RSPH10B2: variants seen among roughly 807,000 people sequenced by gnomAD.
RSPH10B2 encodes the protein radial spoke head 10 homolog B2 (Chlamydomonas).
Under a neutral mutation model 49.0 loss-of-function variants are expected in RSPH10B2, and 9 were observed. The ratio of observed to expected loss-of-function variants is 0.18; its 90% CI spans 0.11 to 0.32. The LOEUF is 0.32. Among genes scored for constraint, RSPH10B2 ranks in the 10% least tolerant of loss-of-function variants. RSPH10B2 has a pLI of 1.00. For synonymous variants in RSPH10B2, 35 were observed against 210.2 expected, an observed-to-expected ratio of 0.17 and a Z score of 7.21; for missense variants, 95 against 589.9, an observed-to-expected ratio of 0.16 and a Z score of 8.69.
chr7:6,795,772 TAAAAC>T (rs1782528376), intron 17 of RSPH10B2, among the ~76,000 whole-genome samples: 2 of 146,338 alleles, frequency 1.4e-5, no homozygotes, highest in Admixed American at 1.3e-4. Context: ...CAGTAATACT[TAAAAC>T]AATTAGCCTC....
At chr7:6,767,002 T>C in intron 6 of RSPH10B2, 125 bp downstream of exon 8, 1 of 861,272 alleles carries the variant, frequency 1.2e-6, no homozygotes, top group Non-Finnish European at 1.6e-6. Flanking sequence ...TCTCTGTCTG[T>C]CTCCCAGGCT....
At chr7:6,782,522 CCAAAAAA>C (rs1781981079) in intron 13 of RSPH10B2, among the ~76,000 whole-genome samples, 1 of 126,090 alleles carries the variant, frequency 7.9e-6, no homozygotes, top group Non-Finnish European at 1.6e-5. Context: ...AAAAAATCCC[CCAAAAAA>C]CAAAAAAGGA....
intron 18 of RSPH10B2, among the ~76,000 whole-genome samples, chr7:6,797,872 C>CACACACACACACACACGCACACAAATAT (rs1782667663): frequency 1.0e-5 from 1 of 96,002 alleles, no homozygotes. Flanking sequence ...AAAATACACA[C>CACACACACACACACACGCACACAAATAT]ACACACACAC....
chr7:6,783,718 G>T (rs550001544), intron 13 of RSPH10B2, among the ~76,000 whole-genome samples: 2 of 151,416 alleles, frequency 1.3e-5, no homozygotes, highest in East Asian at 1.9e-4. Flanking sequence ...AGCAGTCCTC[G>T]TGCCTCGGCC....
intron 16 of RSPH10B2, among the ~76,000 whole-genome samples, chr7:6,791,656 A>G (rs1427925433): frequency 2.8e-5 from 4 of 144,750 alleles, no homozygotes; most frequent in South Asian, 2.4e-4. Flanking sequence ...AGGCAGGAGA[A>G]TTGCTGGAAC....
chr7:6,763,670 C>G (rs10499345), intron 3 of RSPH10B2, among the ~76,000 whole-genome samples: 8,178 of 120,950 alleles, frequency 0.068, 95 homozygotes, highest in African/African-American at 0.14. Context: ...TTTCTTCGAA[C>G]TTGGTCAACC....
At chr7:6,770,903 C>CAAAAA (rs1360858598) in intron 7 of RSPH10B2, among the ~76,000 whole-genome samples, 1 of 128,886 alleles carries the variant, frequency 7.8e-6, no homozygotes. Flanking sequence ...GACTCCGTCT[C>CAAAAA]AAAAAAAAAA....
rs1453223048 is a variant in RSPH10B2 at position 6,780,961 on chromosome 7, G to T, written c.1609+73G>T. ...CTCAAAATATAAATCTGGGCTGGGC[G>T]CAGTGGCTCACTCCTGCAATCCCAG... is the stretch of plus-strand genomic sequence containing the variant. On this transcript the variant is annotated intron_variant, in intron 12 of 18. Transcript: ENST00000297186. 2.2e-6 allele frequency: 3 copies of T among 1,334,524 alleles called. 1 individual carries two copies. The highest frequency in any genetic ancestry group is 3.0e-6 in the Non-Finnish European group (3 of 1,015,788). 82.7% of individuals were successfully genotyped at this position (1,334,524 alleles called of 1,614,324 possible). A position where few individuals can be genotyped will look rare whatever the true frequency, so the allele number is the denominator to read the frequency against.
chr7:6,790,988 AG>A, intron 16 of RSPH10B2, among the ~76,000 whole-genome samples: 1 of 90,232 alleles, frequency 1.1e-5, no homozygotes, highest in African/African-American at 5.1e-5. Flanking sequence ...TATGAATCTA[AG>A]TATGGTTAAA....
intron 17 of RSPH10B2, chr7:6,794,050 G>C (rs1782462535): frequency 7.0e-6 from 1 of 143,272 alleles, no homozygotes; most frequent in African/African-American, 2.6e-5. Flanking sequence ...TTTGCTGCTA[G>C]GCATCTTGGG....
intron 9 of RSPH10B2, among the ~76,000 whole-genome samples, chr7:6,774,761 T>TA (rs1486997220): frequency 6.7e-6 from 1 of 148,330 alleles, no homozygotes; most frequent in Non-Finnish European, 1.5e-5. Context: ...TTTTGTTTTT[T>TA]TTTTTTTCTT....
chr7:6,786,705 CTG>C (rs1390207409), intron 14 of RSPH10B2, among the ~76,000 whole-genome samples, 171 bp from the exon 17 acceptor site: 1 of 139,222 alleles, frequency 7.2e-6, no homozygotes, highest in Non-Finnish European at 1.5e-5. Context: ...GTGTGCGTGT[CTG>C]TGCGTGTGTG....
At chr7:6,783,930 G>A (rs1345634426) in intron 13 of RSPH10B2, among the ~76,000 whole-genome samples, 16 of 135,818 alleles carry the variant, frequency 1.2e-4, no homozygotes, top group African/African-American at 4.2e-4. Flanking sequence ...TCCGCCTCCC[G>A]GGTTCAAGTG....
At chr7:6,796,333 A>C (rs575407786) in intron 17 of RSPH10B2, among the ~76,000 whole-genome samples, 1 of 128,576 alleles carries the variant, frequency 7.8e-6, no homozygotes, top group South Asian at 3.1e-4. Flanking sequence ...AAAAACAAAA[A>C]AGAAAAAACG....
At chr7:6,768,105 A>C (rs1419533255) in intron 6 of RSPH10B2, among the ~76,000 whole-genome samples, 1 of 117,984 alleles carries the variant, frequency 8.5e-6, no homozygotes, top group Admixed American at 8.9e-5. Context: ...GGATCACTTG[A>C]GTCTTGGAGG....
rs746541740 is a variant in RSPH10B2, at chr7:6,776,873, TCACACACACACA to T, written c.1414+370_1414+381del. Among the ~76,000 whole-genome samples, 764 of 111,050 alleles carry T rather than the reference TCACACACACACA, an allele frequency of 6.9e-3. 29 individuals carry two copies. Among genetic ancestry groups the T allele is most frequent in the Middle Eastern group, 0.013 (3 of 226 alleles). 72.9% of individuals were successfully genotyped at this position (111,050 alleles called of 152,430 possible). ...GCCTGGGTGACAGGGCGAGACTCCA[TCACACACACACA>T]CACACACACACACACACACACACAC... On this transcript the variant is annotated intron_variant, in intron 10 of 18. Transcript: ENST00000297186.
intron 12 of RSPH10B2, 28 bp downstream of exon 14, chr7:6,780,916 T>G (rs1171121517): frequency 7.1e-7 from 1 of 1,413,652 alleles, no homozygotes; most frequent in Non-Finnish European, 9.4e-7. Context: ...AGGATTCTAT[T>G]TACCGCCCCA....
upstream of RSPH10B2, among the ~76,000 whole-genome samples, chr7:6,756,017 C>T (rs1298028747): frequency 1.3e-5 from 2 of 149,904 alleles, no homozygotes; most frequent in African/African-American, 5.0e-5. Context: ...CGCCTGTAAT[C>T]CCAGCACTTT....
intron 16 of RSPH10B2, among the ~76,000 whole-genome samples, chr7:6,791,369 GT>G (rs1164729990): frequency 1.7e-5 from 2 of 116,358 alleles, no homozygotes; most frequent in Non-Finnish European, 3.6e-5. Context: ...AGTTTTGGGG[GT>G]TTTTTTTGAG....
Sources: gnomAD v4.1 joint callset for allele counts (sites outside exome capture counted in the v4.1 genomes callset) on GRCh38, gnomAD v4.1.1 for gene constraint, MANE v1.5 for transcripts, NCBI Gene and HGNC (gene_info 2026-07-23, HGNC 2026-07-21) for gene names.